The following MAT1A variants were observed in gnomAD, a reference collection of about 807,000 sequenced individuals.
The protein encoded by MAT1A is methionine adenosyltransferase 1A, also known as S-adenosylmethionine synthase isoform type-1.
A neutral mutation model predicts 44.0 loss-of-function variants in MAT1A; 19 were observed. That is an observed-to-expected ratio of 0.43 (90% confidence interval 0.30 to 0.63). The LOEUF is 0.63. Ranked by LOEUF, MAT1A falls within the 30% of genes least tolerant of loss-of-function variation. MAT1A has a pLI of 0.12. For synonymous variants in MAT1A, 205 were observed against 205.6 expected, an observed-to-expected ratio of 1.00 and a Z score of 0.03; for missense variants, 397 against 531.0, an observed-to-expected ratio of 0.75 and a Z score of 2.48.
chr10:80,279,475 G>T (rs1321133334), intron 5 of MAT1A, among the ~76,000 whole-genome samples: 1 of 152,092 alleles, frequency 6.6e-6, no homozygotes, highest in Non-Finnish European at 1.5e-5. Context: ...AGGGAGAGAA[G>T]TTGTGCAGTA....
chr10:80,276,527 G>C lies in MAT1A; in HGVS notation c.617C>G (p.Ser206Cys). ...IPVRIHTIVI[S>C]VQHNEDITLE... ...CGTGATGTCTTCGTTGTGCTGCACAGAGATGACGATGGTGTGGATGCGCAC... is the reference window on the plus strand; with the variant it reads ...CGTGATGTCTTCGTTGTGCTGCACACAGATGACGATGGTGTGGATGCGCAC... Residue 206 changes from serine to cysteine, a missense_variant, in exon 6 of 9, where the codon TCT becomes TGT. Coordinates refer to ENST00000372213, the MANE Select transcript of MAT1A (RefSeq NM_000429.3). The C allele has an allele frequency of 6.2e-7, 1 of 1,614,098 alleles. No individual in the cohort carries two copies. The highest frequency in any genetic ancestry group is 8.5e-7 in the Non-Finnish European group (1 of 1,180,044).
intron 5 of MAT1A, among the ~76,000 whole-genome samples, chr10:80,279,586 C>T (rs1454891856): frequency 6.6e-6 from 1 of 152,100 alleles, no homozygotes; most frequent in Non-Finnish European, 1.5e-5. Context: ...TCCACTAACA[C>T]TTGAATCACC....
In MAT1A at chr10:80,273,734, G is replaced by T; in HGVS notation, c.*47C>A. 7.4e-7 allele frequency: 1 copy of T among 1,359,308 alleles called. No homozygotes were observed. The highest frequency in any genetic ancestry group is 1.1e-6 in the Non-Finnish European group (1 of 950,142). The allele number at this position is 1,359,308 out of a possible 1,614,324, so 84.2% of individuals were successfully genotyped here. A position where few individuals can be genotyped will look rare whatever the true frequency, so the allele number is the denominator to read the frequency against. ...CAGGCGTCTGGGGAAGAGGAGCATG[G>T]CCACCAGGTGCCTCCAGGGTGAGAC... On this transcript the variant is annotated 3_prime_UTR_variant, in exon 9 of 9. Coordinates refer to ENST00000372213, the MANE Select transcript of MAT1A (RefSeq NM_000429.3).
chr10:80,282,939 G>A (rs1379450400), intron 3 of MAT1A, among the ~76,000 whole-genome samples: 1 of 152,214 alleles, frequency 6.6e-6, no homozygotes, highest in Non-Finnish European at 1.5e-5. Flanking sequence ...GATTACAGGT[G>A]TATAGCTAGG....
intron 5 of MAT1A, among the ~76,000 whole-genome samples, chr10:80,277,700 C>T (rs1051907966): frequency 1.4e-4 from 21 of 152,086 alleles, no homozygotes; most frequent in African/African-American, 3.1e-4. Flanking sequence ...GTGCTCAGGC[C>T]GTCTCCACTG....
rs778687394 is a variant in MAT1A, at chr10:80,289,602, C to T, written c.-179G>A. 1 of 658,904 alleles carries T rather than the reference C, an allele frequency of 1.5e-6. No homozygotes were observed. The highest frequency in any genetic ancestry group is 2.8e-6 in the Non-Finnish European group (1 of 361,134). 40.8% of individuals were successfully genotyped at this position (658,904 alleles called of 1,614,324 possible). A position where few individuals can be genotyped will look rare whatever the true frequency, so the allele number is the denominator to read the frequency against. Reference sequence around the variant, plus strand: ...AGCACGTGAGAACAGGCGAGGACTGCTGAGAAGGGAGGGAGTGGATGGAAC... The same window carrying T: ...AGCACGTGAGAACAGGCGAGGACTGTTGAGAAGGGAGGGAGTGGATGGAAC... On this transcript the variant is annotated 5_prime_UTR_variant, in exon 1 of 9. Coordinates refer to ENST00000372213, the MANE Select transcript of MAT1A (RefSeq NM_000429.3).
intron 5 of MAT1A, 149 bp from the exon 6 acceptor site, chr10:80,276,743 C>A: frequency 1.3e-6 from 1 of 784,056 alleles, no homozygotes; most frequent in Middle Eastern, 2.3e-4. Flanking sequence ...GGGAGTTAAT[C>A]TGACACATTC....
At chr10:80,279,801 A>G (rs1289829159) in intron 5 of MAT1A, among the ~76,000 whole-genome samples, 2 of 151,846 alleles carry the variant, frequency 1.3e-5, no homozygotes, top group African/African-American at 4.8e-5. Context: ...CAGACAGACA[A>G]CACAGACACA....
chr10:80,274,487 G>A, intron 8 of MAT1A, 33 bp downstream of exon 8: 1 of 1,613,708 alleles, frequency 6.2e-7, no homozygotes, highest in Non-Finnish European at 8.5e-7. Flanking sequence ...GAAGGAGCAA[G>A]GTCCTGTGTA....
At chr10:80,288,952 C>T (rs1209606466) in intron 1 of MAT1A, among the ~76,000 whole-genome samples, 2 of 152,198 alleles carry the variant, frequency 1.3e-5, no homozygotes, top group Non-Finnish European at 2.9e-5. Context: ...CTACTCCATG[C>T]TGTTTCTCTA....
chr10:80,288,994 T>C (rs1841684709), intron 1 of MAT1A, among the ~76,000 whole-genome samples: 1 of 152,140 alleles, frequency 6.6e-6, no homozygotes, highest in Non-Finnish European at 1.5e-5. Flanking sequence ...CACACATTGC[T>C]CTGAAGAGCT....
At chr10:80,275,597 C>T (rs1449691991) in intron 6 of MAT1A, 1 of 316,214 alleles carries the variant, frequency 3.2e-6, no homozygotes, top group African/African-American at 2.1e-5. Flanking sequence ...CAAGTGTCCT[C>T]TGGGCAACAC....
rs376771993 is a variant in MAT1A at position 80,273,730 on chromosome 10, C to G, written c.*51G>C. 29 of 1,322,630 alleles carry G rather than the reference C, an allele frequency of 2.2e-5. No homozygotes were observed. The highest frequency in any genetic ancestry group is 3.2e-5 in the Non-Finnish European group (29 of 916,806). 81.9% of individuals were successfully genotyped at this position (1,322,630 alleles called of 1,614,324 possible). A position where few individuals can be genotyped will look rare whatever the true frequency, so the allele number is the denominator to read the frequency against. ...CAGCCAGGCGTCTGGGGAAGAGGAGCATGGCCACCAGGTGCCTCCAGGGTG... is the reference window on the plus strand; with the variant it reads ...CAGCCAGGCGTCTGGGGAAGAGGAGGATGGCCACCAGGTGCCTCCAGGGTG... On this transcript the variant is annotated 3_prime_UTR_variant, in exon 9 of 9. Coordinates refer to ENST00000372213, the MANE Select transcript of MAT1A (RefSeq NM_000429.3).
chr10:80,273,776 T>A lies in MAT1A; in HGVS notation c.*5A>T. On this transcript the variant is annotated 3_prime_UTR_variant, in exon 9 of 9. Coordinates refer to ENST00000372213, the MANE Select transcript of MAT1A (RefSeq NM_000429.3). Reference sequence around the variant, plus strand: ...GGGTGAGACCAGGCCCAGCTCCCCCTGGCTCTAAAATACAAGCTTCCTGGG... The same window carrying A: ...GGGTGAGACCAGGCCCAGCTCCCCCAGGCTCTAAAATACAAGCTTCCTGGG... 1 of 1,605,436 alleles carries A rather than the reference T, an allele frequency of 6.2e-7. No individual in the cohort carries two copies. Among genetic ancestry groups the A allele is most frequent in the Non-Finnish European group, 8.5e-7 (1 of 1,172,874 alleles).
Position 80,280,286 on chromosome 10 carries a change from T to C in MAT1A, c.436A>G (p.Thr146Ala), listed in dbSNP as rs1248538289. 1.2e-6 allele frequency: 2 copies of C among 1,613,938 alleles called. No individual in the cohort carries two copies. Among genetic ancestry groups the C allele is most frequent in the Middle Eastern group, 1.6e-4 (1 of 6,084 alleles). The change falls in exon 5 of 9, where the codon ACA (threonine) becomes GCA (alanine). Residue 146 changes from threonine to alanine, a missense_variant. Thr to Ala is a moderately conservative substitution (Grantham distance 58). Transcript: ENST00000372213. ...GLMFGYATDE[T>A]EECMPLTIIL... ...ATGGTGAGGGGCATGCACTCCTCTG[T>C]CTCGTCGGTAGCATAGCCGAACATC...
intron 3 of MAT1A, among the ~76,000 whole-genome samples, chr10:80,283,314 G>A (rs1465748935): frequency 2.0e-5 from 3 of 152,252 alleles, no homozygotes; most frequent in Admixed American, 2.0e-4. Context: ...GCTAGGGCCT[G>A]TGCCCCTTCC....
chr10:80,274,937 G>T, intron 7 of MAT1A, 80 bp downstream of exon 7: 1 of 1,488,402 alleles, frequency 6.7e-7, no homozygotes, highest in Non-Finnish European at 9.1e-7. Flanking sequence ...TTCCCACCGG[G>T]CCAACATCCC....
In MAT1A at chr10:80,272,328, G is replaced by C; in HGVS notation, c.*1453C>G. Reference sequence around the variant, plus strand: ...GTCCAGGCTAAGGACAAGTGGGGCAGGTAGGGCAGGTGCTGCTGGCCATGG... The same window carrying C: ...GTCCAGGCTAAGGACAAGTGGGGCACGTAGGGCAGGTGCTGCTGGCCATGG... On this transcript the variant is annotated 3_prime_UTR_variant, in exon 9 of 9. Coordinates refer to ENST00000372213, the MANE Select transcript of MAT1A (RefSeq NM_000429.3). 1 of 153,362 alleles carries C rather than the reference G, an allele frequency of 6.5e-6. No individual in the cohort carries two copies. The highest frequency in any genetic ancestry group is 1.5e-5 in the Non-Finnish European group (1 of 68,912). 9.5% of individuals were successfully genotyped at this position (153,362 alleles called of 1,614,324 possible).
chr10:80,274,394 A>G lies in MAT1A; in HGVS notation c.1085+126T>C, dbSNP rs947549689. On this transcript the variant is annotated intron_variant, in intron 8 of 8. Transcript: ENST00000372213. ...TGGGGATGCACTGTGCTGTACCAAG[A>G]GCTCACAGACCCTCCCACTTCTGAG... The G allele has an allele frequency of 5.9e-6, 8 of 1,346,060 alleles. No homozygotes were observed. In the South Asian group the frequency reaches 7.1e-5, roughly 12 times the overall value. 83.4% of individuals were successfully genotyped at this position (1,346,060 alleles called of 1,614,324 possible).
Sources: gnomAD v4.1 joint callset for allele counts (sites outside exome capture counted in the v4.1 genomes callset) on GRCh38, gnomAD v4.1.1 for gene constraint, MANE v1.5 for transcripts, NCBI Gene and HGNC (gene_info 2026-07-23, HGNC 2026-07-21) for gene names.